The following WDR7 variants were observed in gnomAD, a reference collection of about 807,000 sequenced individuals.
WDR7 encodes the protein WD repeat-containing protein 7.
WDR7 carries 46 observed loss-of-function variants against 169.4 expected under a neutral mutation model. The observed-to-expected ratio is 0.27, with a 90% CI of 0.21 to 0.35. WDR7 has a LOEUF of 0.35. Ranked by LOEUF, WDR7 falls within the 10% of genes least tolerant of loss-of-function variation. The pLI, the probability that WDR7 is intolerant of heterozygous loss-of-function variation, is 1.00. For synonymous variants in WDR7, 612 were observed against 666.8 expected (o/e 0.92, Z 1.27); for missense variants, 1,534 against 1,859.3 (o/e 0.83, Z 3.22).
intron 21 of WDR7, among the ~76,000 whole-genome samples, chr18:56,896,927 A>T (rs1420462319): frequency 5.3e-5 from 8 of 151,900 alleles, no homozygotes; most frequent in Admixed American, 5.2e-4. Flanking sequence ...AACATAGGTC[A>T]CTGACAAGAG....
intron 25 of WDR7, among the ~76,000 whole-genome samples, chr18:56,943,079 A>T: frequency 6.6e-6 from 1 of 152,222 alleles, no homozygotes; most frequent in Non-Finnish European, 1.5e-5. Context: ...TCACAGGTCA[A>T]TGCCACTCCA....
intron 5 of WDR7, among the ~76,000 whole-genome samples, chr18:56,685,546 T>C (rs1363664196): frequency 6.6e-6 from 1 of 152,124 alleles, no homozygotes; most frequent in Non-Finnish European, 1.5e-5. Flanking sequence ...TGCAATGAAG[T>C]ATCTGGAAGG....
chr18:56,715,684 A>G (rs2026176700), intron 12 of WDR7, among the ~76,000 whole-genome samples: 1 of 152,094 alleles, frequency 6.6e-6, no homozygotes, highest in Non-Finnish European at 1.5e-5. Flanking sequence ...GATATAAAAC[A>G]GTAGTGTTGG....
intron 19 of WDR7, among the ~76,000 whole-genome samples, chr18:56,797,568 AAG>A (rs2044606208): frequency 1.3e-5 from 2 of 152,018 alleles, no homozygotes; most frequent in Non-Finnish European, 2.9e-5. Flanking sequence ...TATGTAGGAA[AAG>A]GGGAAGAAGC....
intron 12 of WDR7, among the ~76,000 whole-genome samples, chr18:56,699,406 T>G (rs746950063): frequency 2.6e-5 from 4 of 152,214 alleles, no homozygotes; most frequent in Non-Finnish European, 5.9e-5. Context: ...TTTATTTTTG[T>G]TTAAACGTTT....
At chr18:56,909,484 ATAAT>A (rs2046524467) in intron 21 of WDR7, among the ~76,000 whole-genome samples, 1 of 152,150 alleles carries the variant, frequency 6.6e-6, no homozygotes, top group African/African-American at 2.4e-5. Context: ...TATTATAGAA[ATAAT>A]TATAGCAAGT....
intron 25 of WDR7, among the ~76,000 whole-genome samples, chr18:56,942,875 ATTAAG>A (rs1175419149): frequency 6.6e-6 from 1 of 152,268 alleles, no homozygotes; most frequent in Non-Finnish European, 1.5e-5. Flanking sequence ...TAACAAAGTT[ATTAAG>A]TTATGTAGAT....
chr18:56,786,454 G>A (rs565313540), intron 19 of WDR7, among the ~76,000 whole-genome samples: 4 of 151,908 alleles, frequency 2.6e-5, no homozygotes, highest in East Asian at 3.9e-4. Context: ...GCTTGAACCC[G>A]GGAGGCAGAA....
intron 2 of WDR7, among the ~76,000 whole-genome samples, chr18:56,672,930 A>T (rs2025167251): frequency 6.6e-6 from 1 of 152,180 alleles, no homozygotes; most frequent in Non-Finnish European, 1.5e-5. Flanking sequence ...TTTTCAAATG[A>T]TGATGACCCA....
At position 56,737,380 on chromosome 18, in the gene WDR7, C is replaced by T. The variant is rs138978853; in HGVS notation, c.1989+5783C>T. On this transcript the variant is annotated intron_variant, in intron 14 of 27. Transcript: ENST00000254442. The stretch of plus-strand genomic sequence containing the variant: ...TATTAGTGAAGCTAGAAAACCATTA[C>T]TGCCGTGAAATTAATTTCTTCATCC... Among the ~76,000 whole-genome samples the T allele has an allele frequency of 2.9e-3, 442 of 152,298 alleles. 3 individuals are homozygous for T. The East Asian group carries it at 0.032, about 11-fold the overall frequency.
intron 7 of WDR7, among the ~76,000 whole-genome samples, chr18:56,689,894 A>G (rs2025527871): frequency 6.7e-6 from 1 of 149,576 alleles, no homozygotes. Context: ...TCTTGGCTAT[A>G]ATTGTAGTGC....
intron 20 of WDR7, among the ~76,000 whole-genome samples, chr18:56,820,802 A>AT (rs974210869): frequency 6.6e-5 from 10 of 151,928 alleles, no homozygotes; most frequent in Admixed American, 2.6e-4. Flanking sequence ...ATAGAATCAA[A>AT]TTTTTTTTGT....
At chr18:56,706,842 C>T (rs2025967695) in intron 12 of WDR7, among the ~76,000 whole-genome samples, 1 of 151,744 alleles carries the variant, frequency 6.6e-6, no homozygotes, top group Admixed American at 6.6e-5. Flanking sequence ...TGAATTCCAC[C>T]ACACCCAGCT....
intron 20 of WDR7, among the ~76,000 whole-genome samples, chr18:56,824,452 C>T (rs1006396722): frequency 1.3e-5 from 2 of 152,198 alleles, no homozygotes; most frequent in African/African-American, 4.8e-5. Flanking sequence ...TGGTACATAG[C>T]ATCTTCTCAA....
At chr18:56,994,343 G>A (rs9950509) in intron 26 of WDR7, among the ~76,000 whole-genome samples, 2,997 of 151,118 alleles carry the variant, frequency 0.02, 109 homozygotes, top group African/African-American at 0.069. Context: ...TATTTAAAGG[G>A]GCATTTTCAT....
chr18:56,917,605 G>A (rs773390875), intron 21 of WDR7, among the ~76,000 whole-genome samples: 29 of 152,120 alleles, frequency 1.9e-4, no homozygotes, highest in African/African-American at 5.6e-4. Context: ...GCCATTATAC[G>A]TAGCCAGATA....
At position 56,923,922 on chromosome 18, in the gene WDR7, G is replaced by T; in HGVS notation, c.3527G>T (p.Cys1176Phe). ...TCTGCATTTTATTCTATAATTTCAG[G>T]CAAGGCACTGACGTTTCTTCTGCTA... ...GSNYSLARHT[C>F]KALTFLLLQP... Residue 1176 changes from cysteine to phenylalanine, a missense_variant and splice_region_variant, in exon 22 of 28, where the codon TGC becomes TTC. Transcript: ENST00000254442. 6.5e-7 allele frequency: 1 copy of T among 1,537,402 alleles called. No individual in the cohort carries two copies. Among genetic ancestry groups the T allele is most frequent in the Non-Finnish European group, 8.7e-7 (1 of 1,146,518 alleles).
intron 19 of WDR7, among the ~76,000 whole-genome samples, chr18:56,782,463 G>T (rs892188099): frequency 6.6e-6 from 1 of 151,254 alleles, no homozygotes; most frequent in Non-Finnish European, 1.5e-5. Context: ...TAATTATATT[G>T]ATTAAAAAAT....
intron 26 of WDR7, among the ~76,000 whole-genome samples, chr18:56,994,957 G>A (rs958198142): frequency 1.3e-5 from 2 of 152,128 alleles, no homozygotes; most frequent in African/African-American, 4.8e-5. Context: ...TTTCTCACGT[G>A]AATTAAATTA....
Sources: gnomAD v4.1 joint callset for allele counts (sites outside exome capture counted in the v4.1 genomes callset) on GRCh38, gnomAD v4.1.1 for gene constraint, MANE v1.5 for transcripts, NCBI Gene and HGNC (gene_info 2026-07-23, HGNC 2026-07-21) for gene names.